The following TTC3 variants were observed in gnomAD, a reference collection of about 807,000 sequenced individuals.
TTC3 encodes E3 ubiquitin-protein ligase TTC3.
In TTC3, 180 loss-of-function variants were observed where a neutral mutation model predicts 249.6. That is an observed-to-expected ratio of 0.72 (90% CI 0.64 to 0.82). TTC3 has a LOEUF of 0.82. TTC3 is among the 40% of genes least tolerant of loss of function. TTC3 has a pLI of 0.00. For synonymous variants in TTC3, 717 were observed against 805.0 expected, an observed-to-expected ratio of 0.89 and a Z score of 1.85; for missense variants, 2,061 against 2,398.4, an observed-to-expected ratio of 0.86 and a Z score of 2.94.
chr21:37,124,109 G>GTTTTTTTTTTTTT (rs1167142816), intron 13 of TTC3, among the ~76,000 whole-genome samples: 1 of 26,154 alleles, frequency 3.8e-5, no homozygotes, highest in African/African-American at 1.5e-4. Context: ...TTTTTGAACT[G>GTTTTTTTTTTTTT]TTCTTTTTTT....
chr21:37,148,139 T>C (rs953542964), intron 22 of TTC3, among the ~76,000 whole-genome samples: 8 of 152,194 alleles, frequency 5.3e-5, no homozygotes, highest in African/African-American at 1.9e-4. Flanking sequence ...TTCTTTTTCC[T>C]CTTCAAGCTA....
chr21:37,073,982 G>A (rs775789541), intron 1 of TTC3, among the ~76,000 whole-genome samples: 4 of 152,244 alleles, frequency 2.6e-5, no homozygotes, highest in Non-Finnish European at 5.9e-5. Context: ...TTGAGTGCGT[G>A]ATCTCTTGTG....
At chr21:37,102,319 A>G (rs2074591343) in intron 10 of TTC3, among the ~76,000 whole-genome samples, 1 of 152,234 alleles carries the variant, frequency 6.6e-6, no homozygotes, top group Non-Finnish European at 1.5e-5. Context: ...TCCTGAAAAT[A>G]ATTATAATTG....
At chr21:37,139,647 T>A (rs1402427057) in intron 19 of TTC3, among the ~76,000 whole-genome samples, 1 of 152,206 alleles carries the variant, frequency 6.6e-6, no homozygotes, top group African/African-American at 2.4e-5. Flanking sequence ...CTCCCATGAA[T>A]GCTCTCTAAT....
At chr21:37,191,899 A>G (rs943002241) in intron 40 of TTC3, among the ~76,000 whole-genome samples, 2 of 152,246 alleles carry the variant, frequency 1.3e-5, no homozygotes, top group Admixed American at 6.5e-5. Context: ...GGAAGTAGTG[A>G]TATTTTCTTA....
chr21:37,106,129 G>A (rs11088381), intron 10 of TTC3, among the ~76,000 whole-genome samples: 69,158 of 151,926 alleles, frequency 0.46, 16,269 homozygotes, highest in Non-Finnish European at 0.52. Flanking sequence ...GTGGTATACC[G>A]CTGTGATTAT....
intron 10 of TTC3, 154 bp downstream of exon 10, chr21:37,096,797 A>G (rs562701209): frequency 8.9e-5 from 50 of 564,638 alleles, no homozygotes; most frequent in East Asian, 2.4e-4. Flanking sequence ...GGCTTTATAT[A>G]TAATAACAAC....
intron 44 of TTC3, among the ~76,000 whole-genome samples, chr21:37,199,996 A>G (rs1488707411): frequency 4.6e-5 from 7 of 152,344 alleles, no homozygotes; most frequent in African/African-American, 4.8e-5. Context: ...GGTCACATAA[A>G]ACAGTTTTTT....
At chr21:37,198,976 G>A (rs2085217584) in intron 44 of TTC3, among the ~76,000 whole-genome samples, 1 of 152,054 alleles carries the variant, frequency 6.6e-6, no homozygotes, top group Admixed American at 6.5e-5. Context: ...CTGGCTCCGA[G>A]CTTTGCACTG....
At chr21:37,112,575 GA>G (rs2075771882) in intron 11 of TTC3, among the ~76,000 whole-genome samples, 1 of 152,146 alleles carries the variant, frequency 6.6e-6, no homozygotes, top group African/African-American at 2.4e-5. Flanking sequence ...AAAAAGTCCG[GA>G]ACCAGATGGA....
chr21:37,158,090 G>C (rs2080292086), intron 28 of TTC3: 1 of 984,096 alleles, frequency 1.0e-6, no homozygotes. Flanking sequence ...AAAGTTCTTA[G>C]AAAAGAGCAC....
chr21:37,112,048 A>G (rs903561190), intron 11 of TTC3, among the ~76,000 whole-genome samples: 1 of 152,132 alleles, frequency 6.6e-6, no homozygotes, highest in Non-Finnish European at 1.5e-5. Context: ...CATTCAAAGC[A>G]GTGTGTAGAG....
At chr21:37,099,709 T>A (rs888385239) in intron 10 of TTC3, among the ~76,000 whole-genome samples, 7 of 152,146 alleles carry the variant, frequency 4.6e-5, no homozygotes, top group Admixed American at 1.3e-4. Context: ...CTGGAGAAAG[T>A]GTAAATTGGT....
intron 38 of TTC3, chr21:37,187,840 AC>A (rs1228111903): frequency 2.6e-5 from 4 of 152,226 alleles, no homozygotes; most frequent in African/African-American, 9.7e-5. Context: ...AAGTATGAAT[AC>A]TTTTTGGGTC....
intron 25 of TTC3, 137 bp downstream of exon 25, chr21:37,151,021 A>G: frequency 1.8e-6 from 1 of 550,840 alleles, no homozygotes; most frequent in Middle Eastern, 4.6e-4. Context: ...TTTTAAAATG[A>G]TTTTTATGGA....
chr21:37,200,017 A>G (rs2085333670), intron 44 of TTC3, among the ~76,000 whole-genome samples: 1 of 152,368 alleles, frequency 6.6e-6, no homozygotes. Context: ...CTCTGAGGAA[A>G]TTAGAACTTT....
At chr21:37,202,119 T>C (rs2085552739) in exon 46 of TTC3, 1 of 152,246 alleles carries the variant, frequency 6.6e-6, no homozygotes, top group Admixed American at 6.5e-5. Context: ...TGTTAAAATA[T>C]TGGCTGATTT....
At chr21:37,099,082 T>TAATAC (rs1287624301) in intron 10 of TTC3, 10 of 152,212 alleles carry the variant, frequency 6.6e-5, no homozygotes, top group African/African-American at 2.4e-4. Context: ...TGGGACAATT[T>TAATAC]AATACTAGAA....
chr21:37,090,609 T>C (rs3787782), intron 6 of TTC3: 436,279 of 865,448 alleles, frequency 0.5, 111,019 homozygotes, highest in Middle Eastern at 0.53. Flanking sequence ...TTTTTTGTTA[T>C]ATAATTACTA....
Sources: allele counts gnomAD v4.1 joint callset (sites outside exome capture counted in the v4.1 genomes callset), GRCh38; gene constraint gnomAD v4.1.1; transcripts MANE v1.5; gene names NCBI Gene and HGNC (gene_info 2026-07-23, HGNC 2026-07-21).